Variants in DLG2 observed in about 807,000 individuals in gnomAD.
DLG2 encodes the protein disks large homolog 2.
Under a neutral mutation model 132.5 loss-of-function variants are expected in DLG2, and 45 were observed. The ratio of observed to expected loss-of-function variants is 0.34; its 90% CI spans 0.27 to 0.44. The LOEUF is 0.44. Among genes scored for constraint, DLG2 ranks in the 20% least tolerant of loss-of-function variants. The probability of loss-of-function intolerance (pLI) is 1.00; values close to 1 mark genes in which losing one functional copy is unlikely to be tolerated. For synonymous variants in DLG2, 424 were observed against 419.6 expected, an observed-to-expected ratio of 1.01 and a Z score of -0.13; for missense variants, 1,045 against 1,196.9, an observed-to-expected ratio of 0.87 and a Z score of 1.87.
At chr11:84,796,261 T>G (rs1246244171) in intron 6 of DLG2, among the ~76,000 whole-genome samples, 3 of 152,168 alleles carry the variant, frequency 2.0e-5, no homozygotes, top group African/African-American at 4.8e-5. Flanking sequence ...AAAAATAAAT[T>G]TAAAAACTAA....
chr11:84,416,870 G>A (rs2098931599), intron 7 of DLG2, among the ~76,000 whole-genome samples: 1 of 152,082 alleles, frequency 6.6e-6, no homozygotes, highest in Admixed American at 6.5e-5. Context: ...CAGAAATAAT[G>A]GAATGAAACT....
intron 15 of DLG2, among the ~76,000 whole-genome samples, chr11:83,892,467 G>A (rs1414113024): frequency 6.6e-6 from 1 of 152,206 alleles, no homozygotes; most frequent in South Asian, 2.1e-4. Context: ...TATAAGGAAA[G>A]TATCTAAACA....
At chr11:84,068,449 T>C (rs1227360125) in intron 10 of DLG2, among the ~76,000 whole-genome samples, 1 of 152,234 alleles carries the variant, frequency 6.6e-6, no homozygotes, top group Non-Finnish European at 1.5e-5. Flanking sequence ...TTCAAGCTTA[T>C]CTCATCTTCT....
chr11:84,567,138 G>A (rs914984821), intron 6 of DLG2, among the ~76,000 whole-genome samples: 3 of 152,084 alleles, frequency 2.0e-5, no homozygotes, highest in Non-Finnish European at 4.4e-5. Flanking sequence ...GGGTATAAAT[G>A]CTAGCCTTTA....
chr11:85,432,347 G>C (rs2091241189), intron 3 of DLG2, among the ~76,000 whole-genome samples: 1 of 152,084 alleles, frequency 6.6e-6, no homozygotes, highest in African/African-American at 2.4e-5. Flanking sequence ...ACAGAAGTAG[G>C]CTTCAGAATC....
intron 21 of DLG2, among the ~76,000 whole-genome samples, chr11:83,512,921 C>T (rs2095111243): frequency 6.6e-6 from 1 of 152,114 alleles, no homozygotes; most frequent in Non-Finnish European, 1.5e-5. Flanking sequence ...TTTCTTAATC[C>T]AGTCTATCAT....
intron 4 of DLG2, 101 bp from the exon 5 acceptor site, chr11:85,154,752 A>G: frequency 3.3e-6 from 2 of 598,512 alleles, no homozygotes; most frequent in South Asian, 5.2e-5. Context: ...TAAGGCCTGA[A>G]TAAATATTAG....
At chr11:84,567,876 T>C (rs760677643) in intron 6 of DLG2, among the ~76,000 whole-genome samples, 3 of 152,138 alleles carry the variant, frequency 2.0e-5, no homozygotes, top group Admixed American at 6.5e-5. Flanking sequence ...CACAACTGAA[T>C]GAAAATCTAA....
rs2064217862 is a variant in DLG2 at position 83,874,459 on chromosome 11, T to G, written c.1526A>C (p.Gln509Pro). ...GGCCCGTTGGAGAGTCATTGAAGGC[T>G]GACGAGTTGCGGTGCTATGTTGGGA... Reference protein sequence around the residue: ...SHSQHSTATRQPSMTLQRAVS... With the variant: ...SHSQHSTATRPPSMTLQRAVS... The change falls in exon 16 of 28, where the codon CAG (glutamine) becomes CCG (proline). Residue 509 changes from glutamine (Q) to proline (P), a missense_variant. Coordinates refer to ENST00000376104, the MANE Select transcript of DLG2 (RefSeq NM_001142699.3). The G allele has an allele frequency of 6.2e-7, 1 of 1,602,032 alleles. No individual in the cohort carries two copies. The highest frequency in any genetic ancestry group is 1.3e-5 in the African/African-American group (1 of 74,720).
intron 6 of DLG2, among the ~76,000 whole-genome samples, chr11:84,963,201 C>T (rs948588714): frequency 2.0e-5 from 3 of 152,144 alleles, no homozygotes; most frequent in African/African-American, 4.8e-5. Flanking sequence ...ACATAATGTA[C>T]CGCTGACATA....
At chr11:84,319,130 T>C (rs2098387923) in intron 7 of DLG2, among the ~76,000 whole-genome samples, 1 of 152,184 alleles carries the variant, frequency 6.6e-6, no homozygotes, top group Admixed American at 6.5e-5. Context: ...TTTTGCCTTC[T>C]TAAAGAAGAT....
chr11:85,224,508 C>A (rs1022465108), intron 4 of DLG2, among the ~76,000 whole-genome samples: 10 of 152,056 alleles, frequency 6.6e-5, no homozygotes, highest in African/African-American at 1.9e-4. Context: ...CTGTTACTGT[C>A]CAGGCTGTTT....
intron 18 of DLG2, among the ~76,000 whole-genome samples, chr11:83,673,702 A>G (rs1435652802): frequency 2.6e-5 from 4 of 152,306 alleles, no homozygotes; most frequent in South Asian, 4.1e-4. Context: ...GGTGGGTATC[A>G]TATGTGCTGT....
intron 16 of DLG2, among the ~76,000 whole-genome samples, chr11:83,868,763 T>A (rs946762108): frequency 1.3e-5 from 2 of 152,114 alleles, no homozygotes; most frequent in African/African-American, 4.8e-5. Context: ...AGCACTTCCA[T>A]AATTCAGTAT....
At chr11:83,956,951 G>T (rs529067784) in intron 14 of DLG2, among the ~76,000 whole-genome samples, 219 of 152,328 alleles carry the variant, frequency 1.4e-3, no homozygotes, top group African/African-American at 5.1e-3. Flanking sequence ...TGTGGTATTT[G>T]CCAGGGATTA....
intron 6 of DLG2, among the ~76,000 whole-genome samples, chr11:84,968,141 T>C (rs2053580336): frequency 6.6e-6 from 1 of 152,152 alleles, no homozygotes; most frequent in African/African-American, 2.4e-5. Context: ...AGCAATTAAA[T>C]AGCCATAAGA....
intron 7 of DLG2, among the ~76,000 whole-genome samples, chr11:84,450,064 A>C (rs1460004860): frequency 1.3e-5 from 2 of 151,910 alleles, no homozygotes; most frequent in African/African-American, 4.8e-5. Flanking sequence ...GAGTCAGATA[A>C]TATCAAATTC....
chr11:84,690,253 T>C (rs904212859), intron 6 of DLG2, among the ~76,000 whole-genome samples: 1 of 151,892 alleles, frequency 6.6e-6, no homozygotes, highest in Non-Finnish European at 1.5e-5. Flanking sequence ...ACTACATATA[T>C]ATATTTCAAA....
chr11:84,031,698 T>C (rs1390888494), intron 11 of DLG2, among the ~76,000 whole-genome samples: 1 of 152,194 alleles, frequency 6.6e-6, no homozygotes, highest in Non-Finnish European at 1.5e-5. Context: ...CTCTTTCCAG[T>C]GAAATATTCT....
Sources: gnomAD v4.1 joint callset for allele counts (sites outside exome capture counted in the v4.1 genomes callset) on GRCh38, gnomAD v4.1.1 for gene constraint, MANE v1.5 for transcripts, NCBI Gene and HGNC (gene_info 2026-07-23, HGNC 2026-07-21) for gene names.